The following GRM8 variants were observed in gnomAD, a reference collection of about 807,000 sequenced individuals.
The protein encoded by GRM8 is glutamate metabotropic receptor 8.
GRM8 carries 47 observed loss-of-function variants against 87.2 expected under a neutral mutation model. The ratio of observed to expected loss-of-function variants is 0.54; its 90% CI spans 0.43 to 0.69. The LOEUF (loss-of-function observed/expected upper bound fraction) is 0.69. GRM8 is among the 30% of genes least tolerant of loss of function. The pLI, the probability that GRM8 is intolerant of heterozygous loss-of-function variation, is 0.00. For synonymous variants in GRM8, 396 were observed against 404.5 expected (o/e 0.98, Z 0.25); for missense variants, 1,019 against 1,139.2 (o/e 0.89, Z 1.52).
At chr7:126,795,368 G>A (rs547585367) in intron 6 of GRM8, among the ~76,000 whole-genome samples, 7 of 152,054 alleles carry the variant, frequency 4.6e-5, no homozygotes, top group Non-Finnish European at 1.0e-4. Flanking sequence ...TACAGGTGTT[G>A]ACTGATTTTT....
rs150961314 is a variant in GRM8 at position 126,906,675 on chromosome 7, G to A, written c.728-1992C>T. Among the ~76,000 whole-genome samples, 215 of 152,218 alleles carry A rather than the reference G, an allele frequency of 1.4e-3. 1 individual carries two copies. The highest frequency in any genetic ancestry group is 4.9e-3 in the African/African-American group (203 of 41,518). Reference sequence around the variant, plus strand: ...GACAGATTTCCAGGGTGCTGTGATCGGACCTAATATGTACAGCAGATGTAT... The same window carrying A: ...GACAGATTTCCAGGGTGCTGTGATCAGACCTAATATGTACAGCAGATGTAT... On this transcript the variant is annotated intron_variant, in intron 3 of 10. Coordinates refer to ENST00000339582, the MANE Select transcript of GRM8 (RefSeq NM_000845.3).
At chr7:126,653,886 A>G (rs1468539277) in intron 7 of GRM8, among the ~76,000 whole-genome samples, 2 of 152,226 alleles carry the variant, frequency 1.3e-5, no homozygotes, top group African/African-American at 4.8e-5. Context: ...ATACAATTGA[A>G]CACAAGGCTA....
chr7:126,483,157 C>T (rs190079454), intron 9 of GRM8, among the ~76,000 whole-genome samples: 7 of 148,630 alleles, frequency 4.7e-5, no homozygotes, highest in Middle Eastern at 3.6e-3. Context: ...AAAATCCTTC[C>T]TTCCTTTCCT....
chr7:126,584,834 G>A (rs1464101616), intron 8 of GRM8, among the ~76,000 whole-genome samples: 1 of 151,574 alleles, frequency 6.6e-6, no homozygotes, highest in African/African-American at 2.4e-5. Flanking sequence ...ACATGCTGCT[G>A]TGAGAGCAAA....
intron 6 of GRM8, among the ~76,000 whole-genome samples, chr7:126,780,323 G>A (rs1819923732): frequency 6.6e-6 from 1 of 152,040 alleles, no homozygotes; most frequent in African/African-American, 2.4e-5. Flanking sequence ...CCCCCATAGG[G>A]TTGTTGTCAT....
In GRM8 at chr7:126,459,172, G is replaced by T. The variant is rs564864972; in HGVS notation, c.2431-12800C>A. On this transcript the variant is annotated intron_variant, in intron 9 of 10. Transcript: ENST00000339582. ...AAGATGTAAGTACCAGTACAAATTA[G>T]TTTTTTTAATTCTAAAAGCAAATTT... 3.3e-5 allele frequency among the ~76,000 whole-genome samples: 5 copies of T among 151,484 alleles called. No homozygotes were observed. The East Asian group carries it at 9.8e-4, about 30-fold the overall frequency.
chr7:126,567,731 T>G (rs1335490658), intron 8 of GRM8, among the ~76,000 whole-genome samples: 1 of 152,094 alleles, frequency 6.6e-6, no homozygotes, highest in Non-Finnish European at 1.5e-5. Flanking sequence ...AAGAACTTGG[T>G]CTCATGTATA....
intron 2 of GRM8, among the ~76,000 whole-genome samples, chr7:127,199,158 G>T (rs1795458363): frequency 6.6e-6 from 1 of 150,436 alleles, no homozygotes; most frequent in Non-Finnish European, 1.5e-5. Flanking sequence ...TTCTTTAAGA[G>T]AGAGGGGTCT....
intron 9 of GRM8, among the ~76,000 whole-genome samples, chr7:126,506,991 A>G (rs1350991710): frequency 6.6e-6 from 1 of 152,098 alleles, no homozygotes; most frequent in Non-Finnish European, 1.5e-5. Context: ...TGTCACAGAT[A>G]TGCAAGGAGA....
intron 9 of GRM8, among the ~76,000 whole-genome samples, chr7:126,471,569 T>C (rs1344701638): frequency 6.6e-6 from 1 of 151,926 alleles, no homozygotes; most frequent in Non-Finnish European, 1.5e-5. Context: ...TTGGTACCAG[T>C]ACCATGCTTC....
At chr7:126,992,939 C>A (rs963344960) in intron 3 of GRM8, among the ~76,000 whole-genome samples, 1 of 151,932 alleles carries the variant, frequency 6.6e-6, no homozygotes, top group South Asian at 2.1e-4. Flanking sequence ...ACTTACCTTC[C>A]CAGCACCTTT....
intron 7 of GRM8, among the ~76,000 whole-genome samples, chr7:126,633,990 T>C (rs1585303070): frequency 6.6e-6 from 1 of 152,092 alleles, no homozygotes; most frequent in African/African-American, 2.4e-5. Context: ...GCTTTCAATG[T>C]AATTTTATAG....
chr7:126,780,528 C>A (rs563693671), intron 6 of GRM8, among the ~76,000 whole-genome samples: 27 of 152,146 alleles, frequency 1.8e-4, no homozygotes, highest in Non-Finnish European at 3.4e-4. Flanking sequence ...TGACCTACTC[C>A]TTGCTGTCAC....
chr7:127,026,146 G>A (rs370217147), intron 3 of GRM8, among the ~76,000 whole-genome samples: 7 of 151,946 alleles, frequency 4.6e-5, no homozygotes, highest in African/African-American at 1.7e-4. Context: ...ATGGTTTCCA[G>A]CTACATCCAT....
In GRM8 at chr7:126,836,444, G is replaced by T. The variant is rs552888987; in HGVS notation, c.1156+66098C>A. Among the ~76,000 whole-genome samples the T allele has an allele frequency of 2.6e-5, 4 of 152,276 alleles. No individual in the cohort carries two copies. The South Asian group carries it at 8.3e-4, about 32-fold the overall frequency. ...CTCCTACCTTCTGTGTCACTTAAAA[G>T]AAATTCAAATTCCATAACATAGCCC... On this transcript the variant is annotated intron_variant, in intron 6 of 10. Coordinates refer to ENST00000339582, the MANE Select transcript of GRM8 (RefSeq NM_000845.3).
At chr7:126,681,912 C>T (rs997509049) in intron 7 of GRM8, among the ~76,000 whole-genome samples, 5 of 152,052 alleles carry the variant, frequency 3.3e-5, no homozygotes, top group South Asian at 4.1e-4. Flanking sequence ...TTATTATTTA[C>T]GGTTAATTAT....
intron 6 of GRM8, among the ~76,000 whole-genome samples, chr7:126,850,004 A>C (rs962132258): frequency 2.0e-5 from 3 of 152,066 alleles, no homozygotes; most frequent in African/African-American, 4.8e-5. Flanking sequence ...TTCACCCTCC[A>C]GTTATTGCTT....
At chr7:126,779,350 A>G (rs1936664689) in intron 6 of GRM8, among the ~76,000 whole-genome samples, 1 of 151,818 alleles carries the variant, frequency 6.6e-6, no homozygotes, top group African/African-American at 2.4e-5. Context: ...ACCTCTCTGG[A>G]TTTTCTGCCC....
At chr7:126,549,719 A>G (rs936565679) in intron 8 of GRM8, among the ~76,000 whole-genome samples, 5 of 152,196 alleles carry the variant, frequency 3.3e-5, no homozygotes, top group African/African-American at 1.2e-4. Flanking sequence ...ATATACAATC[A>G]TTCAGAAAAT....
Sources: allele counts gnomAD v4.1 joint callset (sites outside exome capture counted in the v4.1 genomes callset), GRCh38; gene constraint gnomAD v4.1.1; transcripts MANE v1.5; gene names NCBI Gene and HGNC (gene_info 2026-07-23, HGNC 2026-07-21).